The following EML4 variants were observed in gnomAD, a reference collection of about 807,000 sequenced individuals.
EML4 encodes echinoderm microtubule-associated protein-like 4.
EML4 carries 72 observed loss-of-function variants against 129.0 expected under a neutral mutation model. That is an observed-to-expected ratio of 0.56 (90% CI 0.46 to 0.68). The LOEUF (loss-of-function observed/expected upper bound fraction) is 0.68. EML4 is among the 30% of genes least tolerant of loss of function. The pLI is 0.00. For missense variants in EML4, 1,363 were observed against 1,190.6 expected (o/e 1.14, Z -2.13); for synonymous variants, 532 against 405.0 (o/e 1.31, Z -3.77).
In EML4 at chr2:42,179,028, C is replaced by T. The variant is rs1361319237; in HGVS notation, c.25+9392C>T. Among the ~76,000 whole-genome samples, 8 of 152,114 alleles carry T rather than the reference C, an allele frequency of 5.3e-5. 1 individual carries two copies. Among genetic ancestry groups the T allele is most frequent in the Admixed American group, 5.2e-4 (8 of 15,272 alleles). On this transcript the variant is annotated intron_variant, in intron 1 of 22. Transcript: ENST00000318522. ...ATTTCCCCCCATATAATGCTTATTA[C>T]TTGTAAGGGGGGGAAACAGTAACTC...
At chr2:42,328,068 C>CGG (rs1340009248) in intron 21 of EML4, among the ~76,000 whole-genome samples, 9 of 152,314 alleles carry the variant, frequency 5.9e-5, no homozygotes, top group African/African-American at 2.2e-4. Flanking sequence ...AGCAGTGACC[C>CGG]ATAGCTGGTA....
At chr2:42,188,166 CTG>C (rs372797559) in intron 1 of EML4, among the ~76,000 whole-genome samples, 88 of 151,376 alleles carry the variant, frequency 5.8e-4, no homozygotes, top group African/African-American at 2.0e-3. Flanking sequence ...GTTCTGCACT[CTG>C]TATTCTGTTA....
Position 42,256,694 on chromosome 2 carries a change from C to G in EML4, c.338+64C>G, listed in dbSNP as rs557855152. The G allele has an allele frequency of 8.3e-6, 13 of 1,574,738 alleles. No homozygotes were observed. In the South Asian group the frequency reaches 1.4e-4, roughly 17 times the overall value. ...AATTGTCTGAATGTGGTAGAGATCTCCCTTTAGAAAGAATATGAAATAGAG... is the reference window on the plus strand; with the variant it reads ...AATTGTCTGAATGTGGTAGAGATCTGCCTTTAGAAAGAATATGAAATAGAG... On this transcript the variant is annotated intron_variant, in intron 3 of 22. Transcript: ENST00000318522.
At position 42,202,205 on chromosome 2, in the gene EML4, T is replaced by G. The variant is rs906924521; in HGVS notation, c.25+32569T>G. Among the ~76,000 whole-genome samples the G allele has an allele frequency of 2.0e-5, 3 of 152,056 alleles. No homozygotes were observed. The East Asian group carries it at 5.8e-4, about 29-fold the overall frequency. On this transcript the variant is annotated intron_variant, in intron 1 of 22. Coordinates refer to ENST00000318522, the MANE Select transcript of EML4 (RefSeq NM_019063.5). ...GTTTCATTTGGACAAGAGAAATAGA[T>G]CCTGGTGATCTATTGCACAGTATGA...
At chr2:42,249,426 C>T (rs1675624412) in intron 2 of EML4, among the ~76,000 whole-genome samples, 1 of 151,960 alleles carries the variant, frequency 6.6e-6, no homozygotes, top group Non-Finnish European at 1.5e-5. Context: ...AATTAAATTC[C>T]TGTGGATAAA....
chr2:42,283,801 T>G (rs1442185787), intron 8 of EML4, among the ~76,000 whole-genome samples: 1 of 152,218 alleles, frequency 6.6e-6, no homozygotes, highest in African/African-American at 2.4e-5. Flanking sequence ...ATTTTTCAGT[T>G]GGGGACTACT....
intron 6 of EML4, among the ~76,000 whole-genome samples, chr2:42,275,315 C>G (rs1666595463): frequency 6.6e-6 from 1 of 152,154 alleles, no homozygotes; most frequent in African/African-American, 2.4e-5. Context: ...TCAATTCAGA[C>G]TAGCCACATG....
Position 42,330,524 on chromosome 2 carries a change from AAAAC to A in EML4, c.*322_*325del. 3 of 471,818 alleles carry A rather than the reference AAAAC, an allele frequency of 6.4e-6. No individual in the cohort carries two copies. The highest frequency in any genetic ancestry group is 1.2e-5 in the Non-Finnish European group (3 of 256,176). The allele number at this position is 471,818 out of a possible 1,614,324, so 29.2% of individuals were successfully genotyped here. A position where few individuals can be genotyped will look rare whatever the true frequency, so the allele number is the denominator to read the frequency against. On this transcript the variant is annotated 3_prime_UTR_variant, in exon 23 of 23. Transcript: ENST00000318522. ...AAAAACAGCAGTTGCATTGATTTTG[AAAAC>A]AAACCCCCTTGTTATCTGAACATGT...
intron 6 of EML4, among the ~76,000 whole-genome samples, chr2:42,279,754 G>A (rs1187294883): frequency 2.7e-5 from 4 of 150,448 alleles, no homozygotes; most frequent in African/African-American, 7.4e-5. Flanking sequence ...AATTACAGGC[G>A]TGAGCCACCG....
intron 17 of EML4, among the ~76,000 whole-genome samples, chr2:42,313,575 T>A (rs1669076794): frequency 6.6e-6 from 1 of 152,186 alleles, no homozygotes; most frequent in Non-Finnish European, 1.5e-5. Flanking sequence ...AATATTTCTT[T>A]TAATTTAAGA....
intron 2 of EML4, among the ~76,000 whole-genome samples, chr2:42,250,536 A>C (rs1336354691): frequency 6.6e-6 from 1 of 152,204 alleles, no homozygotes; most frequent in African/African-American, 2.4e-5. Context: ...AAGTATAGTC[A>C]TGCATCACTT....
intron 1 of EML4, among the ~76,000 whole-genome samples, chr2:42,218,579 G>C (rs370021301): frequency 8.6e-5 from 13 of 151,988 alleles, no homozygotes; most frequent in African/African-American, 3.1e-4. Flanking sequence ...CATGTATATG[G>C]ATCTTCCTGA....
intron 6 of EML4, 133 bp downstream of exon 6, chr2:42,264,864 T>C (rs2104399153): frequency 1.3e-6 from 2 of 1,526,354 alleles, no homozygotes; most frequent in East Asian, 2.5e-5. Context: ...ACTGTAGTCA[T>C]TTAGGAAAAA....
At chr2:42,304,235 TATC>T (rs1280653834) in intron 16 of EML4, among the ~76,000 whole-genome samples, 2 of 152,208 alleles carry the variant, frequency 1.3e-5, no homozygotes, top group African/African-American at 4.8e-5. Context: ...TTGTTGTTAT[TATC>T]CTTATTATTG....
At chr2:42,222,855 A>T (rs190310389) in intron 1 of EML4, among the ~76,000 whole-genome samples, 2 of 151,830 alleles carry the variant, frequency 1.3e-5, no homozygotes, top group African/African-American at 4.8e-5. Context: ...CTGGAGTGCA[A>T]TGGTGCAATC....
intron 1 of EML4, among the ~76,000 whole-genome samples, chr2:42,214,058 A>G (rs185278560): frequency 6.5e-4 from 99 of 152,318 alleles, no homozygotes; most frequent in Admixed American, 2.4e-3. Flanking sequence ...GTGATCCCCC[A>G]ATTTTTCCTA....
At chr2:42,295,090 T>A in intron 11 of EML4, 35 bp from the exon 12 acceptor site, 1 of 1,577,238 alleles carries the variant, frequency 6.3e-7, no homozygotes, top group Non-Finnish European at 8.6e-7. Flanking sequence ...GATAAGGATA[T>A]ACATTCATCT....
intron 1 of EML4, among the ~76,000 whole-genome samples, chr2:42,192,730 C>T (rs894262274): frequency 5.9e-5 from 9 of 152,126 alleles, no homozygotes; most frequent in Non-Finnish European, 1.3e-4. Context: ...GAATAACTGG[C>T]TCCCACTAGG....
At chr2:42,298,891 A>T (rs535317659) in intron 13 of EML4, among the ~76,000 whole-genome samples, 2 of 152,290 alleles carry the variant, frequency 1.3e-5, no homozygotes, top group Admixed American at 1.3e-4. Flanking sequence ...TACTCTTGTT[A>T]GTTTGACCAT....
Sources: gnomAD v4.1 joint callset for allele counts (sites outside exome capture counted in the v4.1 genomes callset) on GRCh38, gnomAD v4.1.1 for gene constraint, MANE v1.5 for transcripts, NCBI Gene and HGNC (gene_info 2026-07-23, HGNC 2026-07-21) for gene names.